CEP290: variants seen among roughly 807,000 people sequenced by gnomAD.
The protein encoded by CEP290 is centrosomal protein of 290 kDa.
Under a neutral mutation model 344.9 loss-of-function variants are expected in CEP290, and 317 were observed. The ratio of observed to expected loss-of-function variants is 0.92; its 90% CI spans 0.84 to 1.01. The LOEUF is 1.01. Ranked by LOEUF, CEP290 falls within the 50% of genes least tolerant of loss-of-function variation. The pLI, the probability that CEP290 is intolerant of heterozygous loss-of-function variation, is 0.00. For synonymous variants in CEP290, 932 were observed against 895.8 expected (o/e 1.04, Z -0.72); for missense variants, 2,754 against 2,761.4 (o/e 1.00, Z 0.06).
chr12:88,079,366 T>G (rs2036023562), intron 38 of CEP290, 137 bp from the exon 39 acceptor site: 1 of 643,782 alleles, frequency 1.6e-6, no homozygotes, highest in Admixed American at 4.0e-5. Flanking sequence ...TGGAACATAT[T>G]TCACAAATTA....
rs1264447179 is a variant in CEP290 at position 88,053,647 on chromosome 12, A to G, written c.7129+5T>C. 2 of 1,449,244 alleles carry G rather than the reference A, an allele frequency of 1.4e-6. No homozygotes were observed. The highest frequency in any genetic ancestry group is 1.9e-6 in the Non-Finnish European group (2 of 1,059,194). 89.8% of individuals were successfully genotyped at this position (1,449,244 alleles called of 1,614,324 possible). A position where few individuals can be genotyped will look rare whatever the true frequency, so the allele number is the denominator to read the frequency against. ...GTAGCTAACATGTTTTTTAAAATACATTACCAGGTATGGTGCTTTCAGCTC... is the reference window on the plus strand; with the variant it reads ...GTAGCTAACATGTTTTTTAAAATACGTTACCAGGTATGGTGCTTTCAGCTC... On this transcript the variant is annotated splice_donor_5th_base_variant and intron_variant, in intron 52 of 53. Coordinates refer to ENST00000552810, the MANE Select transcript of CEP290 (RefSeq NM_025114.4).
intron 42 of CEP290, 127 bp from the exon 43 acceptor site, chr12:88,071,576 G>A (rs1040848903): frequency 2.3e-6 from 2 of 882,884 alleles, no homozygotes; most frequent in Admixed American, 3.3e-5. Context: ...AATTTACAAC[G>A]AGATCACAGG....
intron 25 of CEP290, among the ~76,000 whole-genome samples, chr12:88,104,717 G>T (rs2038146267): frequency 6.6e-6 from 1 of 151,986 alleles, no homozygotes. Flanking sequence ...ATATTCTGAA[G>T]AAAATAAGAC....
chr12:88,131,111 A>G (rs2040039461), intron 7 of CEP290, 54 bp downstream of exon 7: 13 of 1,299,968 alleles, frequency 1.0e-5, no homozygotes, highest in Non-Finnish European at 1.3e-5. Flanking sequence ...AAACTTAGGT[A>G]CTTATTTTAA....
Position 88,049,297 on chromosome 12 carries a change from C to T in CEP290, c.7327G>A (p.Glu2443Lys). The T allele has an allele frequency of 1.9e-6, 3 of 1,603,546 alleles. No individual in the cohort carries two copies. The highest frequency in any genetic ancestry group is 2.2e-5 in the East Asian group (1 of 44,646). The part of the protein sequence containing the change: ...EEVKKNILLE[E>K]KVKKLSEQLG... ...TGTTCTGAAAGTTTTTTTACCTTCT[C>T]TTCTAAGAGAATATTCTTCTTCACT... is the stretch of plus-strand genomic sequence containing the variant. Residue 2443 changes from glutamate (E) to lysine (K), a missense_variant, in exon 54 of 54, where the codon GAG (glutamate) becomes AAG (lysine). Transcript: ENST00000552810.
Position 88,129,008 on chromosome 12 carries a change from AT to A in CEP290, c.879del (p.Lys293AsnfsTer12). ...ATTGGATCATCTTCTTCATTTTTTG[AT>A]TTCAGAAGATCTGTAAGCTCCTGCA... ...LQVQELTDLL[K>X]SKNEEDDPIM... On this transcript the variant is annotated frameshift_variant, in exon 11 of 54. Transcript: ENST00000552810. LOFTEE classifies it high-confidence loss of function. 1 of 1,527,234 alleles carries A rather than the reference AT, an allele frequency of 6.5e-7. No homozygotes were observed. The highest frequency in any genetic ancestry group is 2.3e-5 in the Admixed American group (1 of 42,924). The allele number at this position is 1,527,234 out of a possible 1,614,324, so 94.6% of individuals were successfully genotyped here.
intron 13 of CEP290, among the ~76,000 whole-genome samples, chr12:88,123,802 T>G (rs1330815986): frequency 6.6e-6 from 1 of 152,102 alleles, no homozygotes; most frequent in African/African-American, 2.4e-5. Flanking sequence ...TTCACTTGAA[T>G]GTCTAATAAG....
intron 41 of CEP290, among the ~76,000 whole-genome samples, chr12:88,075,078 T>A (rs1420643248): frequency 6.6e-6 from 1 of 152,168 alleles, no homozygotes; most frequent in Non-Finnish European, 1.5e-5. Context: ...TTGATCGAAG[T>A]AAGATATCTG....
intron 26 of CEP290, among the ~76,000 whole-genome samples, chr12:88,098,981 G>A (rs1451222907): frequency 6.6e-6 from 1 of 152,170 alleles, no homozygotes; most frequent in Non-Finnish European, 1.5e-5. Flanking sequence ...CAAGGAACTG[G>A]AATTTAACTT....
chr12:88,063,530 C>T lies in CEP290; in HGVS notation c.6270+451G>A, dbSNP rs190919373. On this transcript the variant is annotated intron_variant, in intron 45 of 53. Coordinates refer to ENST00000552810, the MANE Select transcript of CEP290 (RefSeq NM_025114.4). ...TTGTCTGTAATTATTTTTCTAGTAT[C>T]TGTATGACTCACTTCCTTTACCCCT... Among the ~76,000 whole-genome samples the T allele has an allele frequency of 2.6e-3, 400 of 152,108 alleles. 2 individuals carry two copies. The highest frequency in any genetic ancestry group is 0.01 in the Middle Eastern group (3 of 294).
Position 88,102,841 on chromosome 12 carries a change from C to CA in CEP290, c.2987dup (p.Glu997GlyfsTer3). ...TTCAAGAATCACACAAACTTACCTC[C>CA]AGGTGTTCCAAGTTACTTGTTCTTT... is the stretch of plus-strand genomic sequence containing the variant. On this transcript the variant is annotated frameshift_variant, in exon 26 of 54. Coordinates refer to ENST00000552810, the MANE Select transcript of CEP290 (RefSeq NM_025114.4). LOFTEE classifies it high-confidence loss of function. 1.2e-6 allele frequency: 2 copies of CA among 1,608,956 alleles called. No individual in the cohort carries two copies. The highest frequency in any genetic ancestry group is 1.7e-6 in the Non-Finnish European group (2 of 1,177,812).
intron 50 of CEP290, among the ~76,000 whole-genome samples, chr12:88,055,200 A>G (rs2033897574): frequency 6.6e-6 from 1 of 152,168 alleles, no homozygotes. Context: ...GACAGCCCAG[A>G]AATAGAAATA....
At chr12:88,083,637 T>C (rs1411525018) in intron 36 of CEP290, among the ~76,000 whole-genome samples, 8 of 152,318 alleles carry the variant, frequency 5.3e-5, no homozygotes, top group African/African-American at 1.4e-4. Context: ...GGTAGGTTCA[T>C]AGCAGATTGA....
intron 11 of CEP290, among the ~76,000 whole-genome samples, chr12:88,126,972 T>G (rs1479899825): frequency 6.6e-6 from 1 of 152,132 alleles, no homozygotes; most frequent in African/African-American, 2.4e-5. Flanking sequence ...AGTTCTATAA[T>G]TCACATTAAA....
chr12:88,107,157 A>G, intron 23 of CEP290, 59 bp from the exon 24 acceptor site: 1 of 1,071,104 alleles, frequency 9.3e-7, no homozygotes, highest in Middle Eastern at 3.1e-4. Context: ...GTTTATAAGA[A>G]AAGATAACTT....
At chr12:88,103,806 C>T (rs2038076448) in intron 25 of CEP290, 1 of 152,066 alleles carries the variant, frequency 6.6e-6, no homozygotes, top group South Asian at 2.1e-4. Flanking sequence ...TGTAATAGCG[C>T]TTCAGATCTC....
rs923723880 is a variant in CEP290 at position 88,058,675 on chromosome 12, A to G, written c.6818+173T>C. The stretch of plus-strand genomic sequence containing the variant: ...GTTAAACAAGTTAAACATTTCAAGG[A>G]AGAAAAAGTCTCCAACAATACTACA... On this transcript the variant is annotated intron_variant, in intron 49 of 53. Transcript: ENST00000552810. 7 of 681,630 alleles carry G rather than the reference A, an allele frequency of 1.0e-5. No individual in the cohort carries two copies. The African/African-American group carries it at 1.3e-4, about 12-fold the overall frequency. 42.2% of individuals were successfully genotyped at this position (681,630 alleles called of 1,614,324 possible).
At chr12:88,135,502 T>C (rs961933477) in intron 6 of CEP290, among the ~76,000 whole-genome samples, 6 of 150,210 alleles carry the variant, frequency 4.0e-5, no homozygotes, top group African/African-American at 1.4e-4. Context: ...ATGTCTGCTA[T>C]GTTTTGCAGT....
chr12:88,085,466 T>G lies in CEP290; in HGVS notation c.4437+573A>C, dbSNP rs556991379. ...CTGAAATGATTAAAAATGTACAGTT[T>G]TACTTGAAAAACTTCTTTATGTATA... On this transcript the variant is annotated intron_variant, in intron 34 of 53. Transcript: ENST00000552810. 1.4e-4 allele frequency among the ~76,000 whole-genome samples: 21 copies of G among 152,200 alleles called. No individual in the cohort carries two copies. The East Asian group carries it at 3.3e-3, about 24-fold the overall frequency.
Sources: gnomAD v4.1 joint callset for allele counts (sites outside exome capture counted in the v4.1 genomes callset) on GRCh38, gnomAD v4.1.1 for gene constraint, MANE v1.5 for transcripts, NCBI Gene and HGNC (gene_info 2026-07-23, HGNC 2026-07-21) for gene names.